Variants in ITPK1 observed in about 807,000 individuals in gnomAD.
ITPK1 encodes inositol-tetrakisphosphate 1-kinase, also known as inositol 1,3,4-trisphosphate 5/6-kinase.
A neutral mutation model predicts 45.3 loss-of-function variants in ITPK1; 21 were observed. The ratio of observed to expected loss-of-function variants is 0.46; its 90% CI spans 0.33 to 0.67. ITPK1 has a LOEUF of 0.67. ITPK1 is among the 30% of genes least tolerant of loss of function. ITPK1 has a pLI of 0.02. For missense variants in ITPK1, 474 were observed against 573.5 expected, an observed-to-expected ratio of 0.83 and a Z score of 1.77; for synonymous variants, 258 against 253.6, an observed-to-expected ratio of 1.02 and a Z score of -0.16.
intron 4 of ITPK1, among the ~76,000 whole-genome samples, chr14:93,003,687 T>C (rs1370855851): frequency 1.3e-5 from 2 of 152,220 alleles, no homozygotes; most frequent in African/African-American, 2.4e-5. Flanking sequence ...GTGCAACCTA[T>C]GTAACAGTCC....
chr14:92,997,310 G>C (rs1335810399), intron 4 of ITPK1, among the ~76,000 whole-genome samples: 1 of 152,194 alleles, frequency 6.6e-6, no homozygotes, highest in Non-Finnish European at 1.5e-5. Flanking sequence ...GACCTTTAAA[G>C]AGAGAACTCA....
chr14:92,956,626 C>T (rs1884745602), intron 8 of ITPK1, among the ~76,000 whole-genome samples: 2 of 152,144 alleles, frequency 1.3e-5, no homozygotes, highest in South Asian at 2.1e-4. Context: ...AAAACCCAAC[C>T]ACAGTGGATA....
rs79733438 is a variant in ITPK1, at chr14:93,048,348, C to A, written c.120+28247G>T. Among the ~76,000 whole-genome samples, 836 of 152,350 alleles carry A rather than the reference C, an allele frequency of 5.5e-3. 8 individuals are homozygous for A. Among genetic ancestry groups the A allele is most frequent in the African/African-American group, 0.017 (715 of 41,576 alleles). On this transcript the variant is annotated intron_variant, in intron 3 of 10. Coordinates refer to ENST00000267615, the MANE Select transcript of ITPK1 (RefSeq NM_014216.6). Reference sequence around the variant, plus strand: ...TTCGTATAACAAAAAACAATTCCAACAAGCTCAGAATCATGAGTGAAGATG... The same window carrying A: ...TTCGTATAACAAAAAACAATTCCAAAAAGCTCAGAATCATGAGTGAAGATG...
chr14:93,007,217 C>T (rs1423628624), intron 4 of ITPK1, among the ~76,000 whole-genome samples: 4 of 152,232 alleles, frequency 2.6e-5, no homozygotes, highest in Admixed American at 6.5e-5. Flanking sequence ...CCTGTCTGAA[C>T]CCCTACATGC....
chr14:93,050,720 A>T (rs1483611619), intron 3 of ITPK1, among the ~76,000 whole-genome samples: 1 of 151,816 alleles, frequency 6.6e-6, no homozygotes, highest in Non-Finnish European at 1.5e-5. Context: ...CAGGTGAGGA[A>T]TGGTTAGAGA....
At chr14:92,986,710 G>C (rs866454247) in intron 5 of ITPK1, among the ~76,000 whole-genome samples, 3 of 152,174 alleles carry the variant, frequency 2.0e-5, no homozygotes, top group Non-Finnish European at 1.5e-5. Flanking sequence ...TGTTTTGCTG[G>C]GGAGCGGGTC....
intron 3 of ITPK1, among the ~76,000 whole-genome samples, chr14:93,038,602 A>C (rs541736256): frequency 2.0e-5 from 3 of 152,270 alleles, no homozygotes; most frequent in South Asian, 4.1e-4. Context: ...ATCTCGGCTC[A>C]CTGCAACCTC....
intron 3 of ITPK1, among the ~76,000 whole-genome samples, chr14:93,029,400 T>A (rs1201432860): frequency 6.6e-6 from 1 of 152,042 alleles, no homozygotes; most frequent in South Asian, 2.1e-4. Flanking sequence ...GTTAAAGAAT[T>A]CCACGATGTC....
chr14:93,095,106 C>G (rs1310428245), intron 2 of ITPK1, among the ~76,000 whole-genome samples: 1 of 152,208 alleles, frequency 6.6e-6, no homozygotes, highest in Non-Finnish European at 1.5e-5. Flanking sequence ...TCCGCACCAA[C>G]TGGGCTCCCG....
chr14:92,953,264 C>T (rs955596265), intron 8 of ITPK1, among the ~76,000 whole-genome samples: 3 of 152,268 alleles, frequency 2.0e-5, no homozygotes, highest in African/African-American at 4.8e-5. Flanking sequence ...CTCCCGCTAG[C>T]GGGGCACAGA....
chr14:93,022,088 A>C (rs2139868810), intron 3 of ITPK1, among the ~76,000 whole-genome samples: 1 of 152,334 alleles, frequency 6.6e-6, no homozygotes, highest in African/African-American at 2.4e-5. Context: ...GAAAAGCTAC[A>C]CCCATTCAGC....
chr14:93,040,050 C>T (rs1029715181), intron 3 of ITPK1, among the ~76,000 whole-genome samples: 6 of 152,250 alleles, frequency 3.9e-5, no homozygotes, highest in East Asian at 3.8e-4. Context: ...CTCAGGCTGA[C>T]GGGAAGAACG....
At chr14:93,099,937 C>T (rs1175748825) in intron 2 of ITPK1, among the ~76,000 whole-genome samples, 1 of 152,200 alleles carries the variant, frequency 6.6e-6, no homozygotes, top group Non-Finnish European at 1.5e-5. Context: ...AAGCTGGGTC[C>T]AGAGCTGGAA....
rs1259667484 is a variant in ITPK1 at position 92,940,704 on chromosome 14, G to A, written c.*857C>T. 1.6e-5 allele frequency: 20 copies of A among 1,287,544 alleles called. No homozygotes were observed. The highest frequency in any genetic ancestry group is 6.9e-5 in the Admixed American group (3 of 43,342). 79.8% of individuals were successfully genotyped at this position (1,287,544 alleles called of 1,614,324 possible). On this transcript the variant is annotated 3_prime_UTR_variant, in exon 11 of 11. Coordinates refer to ENST00000267615, the MANE Select transcript of ITPK1 (RefSeq NM_014216.6). ...CCTGTGGTGCTCTCTGATCTCAAAT[G>A]TCCACTAGAGACAAGGGGGTGGAGG...
In ITPK1 at chr14:92,996,290, C is replaced by A. The variant is rs112381536; in HGVS notation, c.247-2293G>T. On this transcript the variant is annotated intron_variant, in intron 4 of 10. Coordinates refer to ENST00000267615, the MANE Select transcript of ITPK1 (RefSeq NM_014216.6). The stretch of plus-strand genomic sequence containing the variant: ...ATAAATGTCAACATTAAAAGGTCAT[C>A]CACTCAGCTAGAAACCATCACTCTG... 9.8e-3 allele frequency among the ~76,000 whole-genome samples: 1,496 copies of A among 152,264 alleles called. 11 individuals are homozygous for A. The highest frequency in any genetic ancestry group is 0.017 in the Non-Finnish European group (1,179 of 68,018).
chr14:92,957,954 A>C (rs1263308295), intron 8 of ITPK1, among the ~76,000 whole-genome samples: 3 of 152,064 alleles, frequency 2.0e-5, no homozygotes, highest in Non-Finnish European at 4.4e-5. Flanking sequence ...TTCTGGATGC[A>C]TCCTGGAGTC....
At chr14:92,944,990 G>A (rs914943456) in intron 10 of ITPK1, among the ~76,000 whole-genome samples, 35 of 152,274 alleles carry the variant, frequency 2.3e-4, no homozygotes, top group African/African-American at 2.6e-4. Context: ...TTCCTGCCCC[G>A]CAGCTGCACC....
At chr14:92,989,369 C>T (rs1383804221) in intron 5 of ITPK1, among the ~76,000 whole-genome samples, 1 of 152,148 alleles carries the variant, frequency 6.6e-6, no homozygotes, top group Non-Finnish European at 1.5e-5. Flanking sequence ...ACCCATCACC[C>T]CAAAGCAGTC....
rs548857225 is a variant in ITPK1 at position 93,014,586 on chromosome 14, G to A, written c.246+2090C>T. On this transcript the variant is annotated intron_variant, in intron 4 of 10. Transcript: ENST00000267615. The surrounding 1 kb of genome is among the most constrained non-coding windows in gnomAD (Gnocchi z 4.4). ...AGGAACTGAGGCTGTGGGGAGGCAC[G>A]CGGTTCCTAAGTTTTGGAACAAGGA... is the stretch of plus-strand genomic sequence containing the variant. Among the ~76,000 whole-genome samples the A allele has an allele frequency of 6.6e-6, 1 of 152,270 alleles. No homozygotes were observed. Among genetic ancestry groups the A allele is most frequent in the East Asian group, 1.9e-4 (1 of 5,188 alleles).
Sources: gnomAD v4.1 joint callset for allele counts (sites outside exome capture counted in the v4.1 genomes callset) on GRCh38, gnomAD v4.1.1 for gene constraint, Gnocchi (gnomAD v3.1) non-coding constraint, MANE v1.5 for transcripts, NCBI Gene and HGNC (gene_info 2026-07-23, HGNC 2026-07-21) for gene names.